The following RBFOX1 variants were observed in gnomAD, a reference collection of about 807,000 sequenced individuals.
RBFOX1 encodes the protein RNA binding fox-1 homolog 1.
Under a neutral mutation model 57.7 loss-of-function variants are expected in RBFOX1, and 8 were observed. The ratio of observed to expected loss-of-function variants is 0.14; its 90% CI spans 0.08 to 0.25. RBFOX1 has a LOEUF of 0.25. RBFOX1 is among the 10% of genes least tolerant of loss of function. The pLI is 1.00. For missense variants in RBFOX1, 611 were observed against 548.5 expected (o/e 1.11, Z -1.14); for synonymous variants, 326 against 222.4 (o/e 1.47, Z -4.15).
At chr16:7,630,303 A>AGCAG (rs2060740110) in intron 10 of RBFOX1, among the ~76,000 whole-genome samples, 2 of 151,826 alleles carry the variant, frequency 1.3e-5, no homozygotes, top group South Asian at 4.2e-4. Context: ...TTCCCTTTTC[A>AGCAG]GTATGCCACG....
intron 1 of RBFOX1, among the ~76,000 whole-genome samples, chr16:6,068,239 G>C (rs2095792323): frequency 6.6e-6 from 1 of 152,156 alleles, no homozygotes; most frequent in South Asian, 2.1e-4. Context: ...CTGGCAGCTT[G>C]GGAAATGCGT....
At chr16:7,337,342 A>C (rs1372424061) in intron 4 of RBFOX1, among the ~76,000 whole-genome samples, 5 of 152,282 alleles carry the variant, frequency 3.3e-5, no homozygotes, top group Admixed American at 2.0e-4. Context: ...AAGGAAGGGA[A>C]CTGGTATTTG....
At chr16:6,813,843 C>G (rs561931216) in intron 3 of RBFOX1, among the ~76,000 whole-genome samples, 1 of 151,908 alleles carries the variant, frequency 6.6e-6, no homozygotes, top group Non-Finnish European at 1.5e-5. Context: ...TACCCCCAAC[C>G]CCTCTGGCTT....
intron 4 of RBFOX1, among the ~76,000 whole-genome samples, chr16:7,258,683 G>A (rs551869527): frequency 6.6e-6 from 1 of 152,204 alleles, no homozygotes; most frequent in African/African-American, 2.4e-5. Context: ...CAAATGAACT[G>A]CAAAGGTCAT....
chr16:5,739,395 C>T (rs534652999), intron 3 of RBFOX1, among the ~76,000 whole-genome samples: 3 of 152,156 alleles, frequency 2.0e-5, no homozygotes, highest in Admixed American at 2.0e-4. Flanking sequence ...AGAATCTGTG[C>T]CATTGTGGCA....
chr16:6,609,755 ATGCTAGCAC>A (rs2098012802), intron 2 of RBFOX1, among the ~76,000 whole-genome samples: 1 of 152,146 alleles, frequency 6.6e-6, no homozygotes, highest in South Asian at 2.1e-4. Flanking sequence ...CAGGCCTGTA[ATGCTAGCAC>A]TTTGGGAGGC....
At chr16:7,361,818 TAGTG>T (rs930684526) in intron 4 of RBFOX1, among the ~76,000 whole-genome samples, 3 of 151,988 alleles carry the variant, frequency 2.0e-5, no homozygotes, top group Non-Finnish European at 4.4e-5. Context: ...GTATGTGTGT[TAGTG>T]TGTGTATGAT....
At chr16:6,899,392 C>A (rs2067890941) in intron 3 of RBFOX1, among the ~76,000 whole-genome samples, 1 of 152,122 alleles carries the variant, frequency 6.6e-6, no homozygotes, top group Admixed American at 6.5e-5. Context: ...GCCCTCTTGG[C>A]TCAAAATTTT....
intron 4 of RBFOX1, among the ~76,000 whole-genome samples, chr16:7,226,780 C>T (rs899962009): frequency 6.6e-6 from 1 of 152,168 alleles, no homozygotes. Context: ...AATTCATACT[C>T]CTGTATATTC....
At chr16:7,356,763 C>G (rs1330007205) in intron 4 of RBFOX1, among the ~76,000 whole-genome samples, 5 of 152,232 alleles carry the variant, frequency 3.3e-5, no homozygotes, top group Non-Finnish European at 5.9e-5. Flanking sequence ...AACAGGGACA[C>G]TCTCACATGG....
intron 1 of RBFOX1, among the ~76,000 whole-genome samples, chr16:6,240,724 T>A (rs1200860170): frequency 2.0e-5 from 3 of 152,140 alleles, no homozygotes; most frequent in Non-Finnish European, 4.4e-5. Context: ...GGGTTCACAT[T>A]TGCAGAACAC....
At chr16:6,760,925 A>T (rs78215578) in intron 3 of RBFOX1, among the ~76,000 whole-genome samples, 6 of 152,316 alleles carry the variant, frequency 3.9e-5, no homozygotes, top group Admixed American at 2.0e-4. Context: ...CGTCTGGTCA[A>T]TGCCACCCAT....
intron 4 of RBFOX1, among the ~76,000 whole-genome samples, chr16:7,489,501 G>T (rs1164167450): frequency 7.9e-6 from 1 of 127,236 alleles, no homozygotes; most frequent in Non-Finnish European, 1.7e-5. Flanking sequence ...CTTGGAGAGA[G>T]AATTATTATT....
At chr16:6,048,124 A>G (rs951775810) in intron 1 of RBFOX1, among the ~76,000 whole-genome samples, 2 of 152,190 alleles carry the variant, frequency 1.3e-5, no homozygotes, top group Non-Finnish European at 2.9e-5. Flanking sequence ...AAATTGCCAT[A>G]TCTGATTTGA....
intron 13 of RBFOX1, among the ~76,000 whole-genome samples, chr16:7,667,692 A>ATATTT (rs2069847353): frequency 6.6e-6 from 1 of 151,932 alleles, no homozygotes; most frequent in African/African-American, 2.4e-5. Context: ...TGTTATTATT[A>ATATTT]TATTTTTTGA....
At chr16:7,192,313 TTC>T (rs1319528302) in intron 4 of RBFOX1, among the ~76,000 whole-genome samples, 4 of 152,190 alleles carry the variant, frequency 2.6e-5, no homozygotes, top group African/African-American at 9.6e-5. Flanking sequence ...AAATGTCATA[TTC>T]AGTGGAGAGG....
intron 1 of RBFOX1, among the ~76,000 whole-genome samples, chr16:5,362,232 C>G (rs1007418709): frequency 6.6e-6 from 1 of 152,120 alleles, no homozygotes; most frequent in African/African-American, 2.4e-5. Flanking sequence ...CGCTCTGTCC[C>G]CAGGCTGGAG....
intron 3 of RBFOX1, among the ~76,000 whole-genome samples, chr16:6,940,881 G>GTT (rs2078314557): frequency 4.3e-5 from 6 of 140,796 alleles, no homozygotes; most frequent in Non-Finnish European, 9.4e-5. Context: ...GTGTGTGTGT[G>GTT]TGTGTGTGTT....
chr16:5,820,965 C>T (rs74940757), intron 3 of RBFOX1, among the ~76,000 whole-genome samples: 176 of 152,278 alleles, frequency 1.2e-3, no homozygotes, highest in African/African-American at 4.1e-3. Flanking sequence ...TCCCTGTGAG[C>T]CCACCTCCTC....
Sources: gnomAD v4.1 joint callset for allele counts (sites outside exome capture counted in the v4.1 genomes callset) on GRCh38, gnomAD v4.1.1 for gene constraint, MANE v1.5 for transcripts, NCBI Gene and HGNC (gene_info 2026-07-23, HGNC 2026-07-21) for gene names.